Variants in DLGAP2 observed in about 807,000 individuals in gnomAD.
The protein encoded by DLGAP2 is disks large-associated protein 2.
In DLGAP2, 26 loss-of-function variants were observed where a neutral mutation model predicts 100.3. The ratio of observed to expected loss-of-function variants is 0.26; its 90% CI spans 0.19 to 0.36. The LOEUF (loss-of-function observed/expected upper bound fraction) is 0.36. DLGAP2 is among the 10% of genes least tolerant of loss of function. The pLI is 1.00. For synonymous variants in DLGAP2, 886 were observed against 630.1 expected (o/e 1.41, Z -6.08); for missense variants, 1,858 against 1,453.2 (o/e 1.28, Z -4.53).
intron 3 of DLGAP2, among the ~76,000 whole-genome samples, chr8:1,450,902 T>A (rs934995211): frequency 6.6e-6 from 1 of 152,166 alleles, no homozygotes; most frequent in African/African-American, 2.4e-5. Context: ...CTCTATGAAT[T>A]GCTTAGTGAA....
chr8:1,038,838 G>A (rs1016275714), intron 2 of DLGAP2, among the ~76,000 whole-genome samples: 6 of 152,022 alleles, frequency 3.9e-5, no homozygotes, highest in African/African-American at 9.7e-5. Flanking sequence ...TTTTTCAGTC[G>A]GAAAATCAAG....
chr8:1,225,769 A>G lies in DLGAP2; in HGVS notation c.74-33082A>G, dbSNP rs145374068. ...CAGTTAGACTGAAGGACTAAGTTCA[A>G]GACATCTATTGTGTATTGTGGTGAA... On this transcript the variant is annotated intron_variant, in intron 2 of 14. Coordinates refer to ENST00000637795, the MANE Select transcript of DLGAP2 (RefSeq NM_001346810.2). Among the ~76,000 whole-genome samples the G allele has an allele frequency of 3.1e-4, 47 of 152,334 alleles. No homozygotes were observed. In the East Asian group the frequency reaches 7.4e-3, roughly 24 times the overall value.
chr8:995,776 A>G (rs1441686517), intron 2 of DLGAP2, among the ~76,000 whole-genome samples: 2 of 152,240 alleles, frequency 1.3e-5, no homozygotes, highest in Non-Finnish European at 2.9e-5. Context: ...AGTGGTTGCC[A>G]TAAATTAGGT....
In DLGAP2 at chr8:841,054, G is replaced by C. The variant is rs181998080; in HGVS notation, c.19-66858G>C. 6.6e-5 allele frequency among the ~76,000 whole-genome samples: 10 copies of C among 152,218 alleles called. No individual in the cohort carries two copies. The East Asian group carries it at 1.7e-3, about 26-fold the overall frequency. On this transcript the variant is annotated intron_variant, in intron 1 of 14. Coordinates refer to ENST00000637795, the MANE Select transcript of DLGAP2 (RefSeq NM_001346810.2). ...AGGAGTTGGGGAGTGGTAATATTTT[G>C]ATTTTACCTTTTATTTCTCATATAT...
intron 4 of DLGAP2, among the ~76,000 whole-genome samples, chr8:1,545,717 C>A (rs1398662143): frequency 2.0e-5 from 3 of 152,224 alleles, no homozygotes; most frequent in Admixed American, 6.5e-5. Flanking sequence ...TGTTTCCATG[C>A]ATCCATCAGG....
At chr8:1,524,299 AGG>A (rs1201015053) in intron 4 of DLGAP2, among the ~76,000 whole-genome samples, 6 of 152,038 alleles carry the variant, frequency 3.9e-5, no homozygotes, top group Non-Finnish European at 5.9e-5. Context: ...TTGTCTCTTT[AGG>A]GGACAACACA....
At chr8:1,040,984 A>G (rs1255344854) in intron 2 of DLGAP2, among the ~76,000 whole-genome samples, 1 of 152,170 alleles carries the variant, frequency 6.6e-6, no homozygotes, top group Non-Finnish European at 1.5e-5. Context: ...CAGAAACAAC[A>G]TACATAGGAC....
At chr8:1,451,163 C>T (rs1045397000) in intron 3 of DLGAP2, among the ~76,000 whole-genome samples, 4 of 152,238 alleles carry the variant, frequency 2.6e-5, no homozygotes, top group African/African-American at 9.6e-5. Context: ...TGTTCCGCCG[C>T]TGCCAGTGCT....
Position 1,436,798 on chromosome 8 carries a change from T to C in DLGAP2, c.107-64568T>C, listed in dbSNP as rs115192816. ...CCAGAGCAGCTTCGGGTTCTGCAAGTTCCATTCATGGTGAGTGTCCTCTGC... is the reference window on the plus strand; with the variant it reads ...CCAGAGCAGCTTCGGGTTCTGCAAGCTCCATTCATGGTGAGTGTCCTCTGC... On this transcript the variant is annotated intron_variant, in intron 3 of 14. Transcript: ENST00000637795. Among the ~76,000 whole-genome samples, 235 of 152,256 alleles carry C rather than the reference T, an allele frequency of 1.5e-3. 1 individual carries two copies. The highest frequency in any genetic ancestry group is 5.4e-3 in the African/African-American group (223 of 41,540).
chr8:1,320,013 G>A (rs1343739506), intron 3 of DLGAP2, among the ~76,000 whole-genome samples: 1 of 152,138 alleles, frequency 6.6e-6, no homozygotes, highest in Non-Finnish European at 1.5e-5. Flanking sequence ...AAAGGTAAGC[G>A]CACATGAAGA....
At chr8:1,140,970 A>C (rs1303836566) in intron 2 of DLGAP2, among the ~76,000 whole-genome samples, 8 of 152,208 alleles carry the variant, frequency 5.3e-5, no homozygotes, top group Admixed American at 3.9e-4. Context: ...GTGACAGGGC[A>C]AGACTCTGTC....
At chr8:874,513 A>G (rs565952068) in intron 1 of DLGAP2, among the ~76,000 whole-genome samples, 1 of 152,190 alleles carries the variant, frequency 6.6e-6, no homozygotes, top group African/African-American at 2.4e-5. Context: ...TGAATTTCCA[A>G]AACTTTTTTC....
At chr8:1,132,635 G>A (rs1421449421) in intron 2 of DLGAP2, among the ~76,000 whole-genome samples, 1 of 152,228 alleles carries the variant, frequency 6.6e-6, no homozygotes, top group Non-Finnish European at 1.5e-5. Flanking sequence ...TGGCAGTGAT[G>A]TAAAGAAGGC....
intron 1 of DLGAP2, among the ~76,000 whole-genome samples, chr8:745,936 A>G (rs1336264029): frequency 2.6e-5 from 4 of 152,174 alleles, no homozygotes; most frequent in African/African-American, 7.2e-5. Flanking sequence ...TCTCCATCTC[A>G]CTCAGCGCCA....
Position 1,565,905 on chromosome 8 carries a change from C to T in DLGAP2, c.1442+11C>T. On this transcript the variant is annotated intron_variant, in intron 6 of 14. Coordinates refer to ENST00000637795, the MANE Select transcript of DLGAP2 (RefSeq NM_001346810.2). The stretch of plus-strand genomic sequence containing the variant: ...TGGAGAGCACCAGACGTAAGTGAGA[C>T]CAGCTGCCTTCCCACTCCAAGCACT... 6.3e-6 allele frequency: 10 copies of T among 1,583,022 alleles called. No individual in the cohort carries two copies. Among genetic ancestry groups the T allele is most frequent in the Non-Finnish European group, 8.6e-6 (10 of 1,164,450 alleles).
intron 2 of DLGAP2, among the ~76,000 whole-genome samples, chr8:944,389 C>T (rs1189753588): frequency 6.6e-6 from 1 of 151,316 alleles, no homozygotes; most frequent in Non-Finnish European, 1.5e-5. Context: ...TAACCAATCC[C>T]TGTGGGTGAT....
intron 4 of DLGAP2, among the ~76,000 whole-genome samples, chr8:1,505,853 A>G (rs1799893016): frequency 1.3e-5 from 2 of 152,230 alleles, no homozygotes; most frequent in African/African-American, 4.8e-5. Flanking sequence ...AATCAGCTGT[A>G]AAGAGTTGGT....
At chr8:979,535 G>A (rs1800269359) in intron 2 of DLGAP2, among the ~76,000 whole-genome samples, 1 of 152,240 alleles carries the variant, frequency 6.6e-6, no homozygotes, top group Non-Finnish European at 1.5e-5. Context: ...TGAGAAAAAA[G>A]TGCTTGCTGA....
At chr8:1,088,303 C>G (rs970626038) in intron 2 of DLGAP2, among the ~76,000 whole-genome samples, 4 of 152,130 alleles carry the variant, frequency 2.6e-5, no homozygotes, top group African/African-American at 9.7e-5. Flanking sequence ...ATCCGTCTGT[C>G]TGTGGCGGGG....
Sources: allele counts gnomAD v4.1 joint callset (sites outside exome capture counted in the v4.1 genomes callset), GRCh38; gene constraint gnomAD v4.1.1; transcripts MANE v1.5; gene names NCBI Gene and HGNC (gene_info 2026-07-23, HGNC 2026-07-21).